ADAMTS17: variants seen among roughly 807,000 people sequenced by gnomAD.
ADAMTS17 encodes ADAM metallopeptidase with thrombospondin type 1 motif 17.
Under a neutral mutation model 141.5 loss-of-function variants are expected in ADAMTS17, and 113 were observed. The ratio of observed to expected loss-of-function variants is 0.80; its 90% CI spans 0.69 to 0.93. The LOEUF is 0.93. Among genes scored for constraint, ADAMTS17 ranks in the 40% least tolerant of loss-of-function variants. The pLI is 0.00. For synonymous variants in ADAMTS17, 768 were observed against 630.6 expected (o/e 1.22, Z -3.27); for missense variants, 1,659 against 1,517.9 (o/e 1.09, Z -1.54).
At chr15:100,248,274 G>A (rs553684927) in intron 7 of ADAMTS17, among the ~76,000 whole-genome samples, 2 of 152,274 alleles carry the variant, frequency 1.3e-5, no homozygotes, top group Non-Finnish European at 2.9e-5. Context: ...GATTTAGGCT[G>A]GCACAAAAAC....
intron 8 of ADAMTS17, among the ~76,000 whole-genome samples, chr15:100,196,562 C>G (rs981500909): frequency 1.3e-5 from 2 of 152,256 alleles, no homozygotes; most frequent in African/African-American, 4.8e-5. Flanking sequence ...ACATACCTTC[C>G]CTCCAGAAAT....
chr15:100,300,270 C>G (rs1004369876), intron 3 of ADAMTS17, among the ~76,000 whole-genome samples: 2 of 152,144 alleles, frequency 1.3e-5, no homozygotes, highest in African/African-American at 4.8e-5. Flanking sequence ...AGTGCTCAAC[C>G]AACCAACCAT....
chr15:100,017,998 C>T lies in ADAMTS17; in HGVS notation c.2592-20409G>A, dbSNP rs969823999. ...TATATTTAAATTATTGTATAGACAC[C>T]AACCCCATCCATCTCTAAAGCTTTT... On this transcript the variant is annotated intron_variant, in intron 18 of 21. Transcript: ENST00000268070. Among the ~76,000 whole-genome samples the T allele has an allele frequency of 3.3e-5, 5 of 152,150 alleles. No individual in the cohort carries two copies. In the South Asian group the frequency reaches 1.0e-3, roughly 32 times the overall value.
chr15:100,108,700 G>A (rs1355368665), intron 14 of ADAMTS17, among the ~76,000 whole-genome samples: 1 of 152,178 alleles, frequency 6.6e-6, no homozygotes. Flanking sequence ...TTAGTACCCT[G>A]CCTACCTTCG....
intron 12 of ADAMTS17, among the ~76,000 whole-genome samples, chr15:100,118,421 GAGA>G (rs2037275948): frequency 6.6e-6 from 1 of 152,212 alleles, no homozygotes; most frequent in Non-Finnish European, 1.5e-5. Context: ...CCTCCCCCAG[GAGA>G]AGAAGAGATC....
intron 12 of ADAMTS17, among the ~76,000 whole-genome samples, chr15:100,120,283 T>C (rs1038508726): frequency 6.6e-6 from 1 of 152,132 alleles, no homozygotes; most frequent in African/African-American, 2.4e-5. Context: ...TTCAGTTAAT[T>C]TTGCTCAATT....
chr15:100,234,042 GA>G (rs1462436101), intron 7 of ADAMTS17, among the ~76,000 whole-genome samples: 1 of 152,182 alleles, frequency 6.6e-6, no homozygotes, highest in South Asian at 2.1e-4. Context: ...TGTCATGTAA[GA>G]AAAAACTGTT....
intron 18 of ADAMTS17, among the ~76,000 whole-genome samples, chr15:100,024,945 G>A (rs1325780067): frequency 6.6e-6 from 1 of 152,202 alleles, no homozygotes; most frequent in Admixed American, 6.5e-5. Flanking sequence ...TATGCCAGAT[G>A]TTGTGTGCTT....
intron 15 of ADAMTS17, among the ~76,000 whole-genome samples, chr15:100,077,771 G>A (rs1326696109): frequency 6.6e-6 from 1 of 152,034 alleles, no homozygotes; most frequent in Non-Finnish European, 1.5e-5. Context: ...AGGGCAACTA[G>A]GCAAGGAAAA....
chr15:100,123,618 C>A (rs956418575), intron 12 of ADAMTS17, among the ~76,000 whole-genome samples: 2 of 152,232 alleles, frequency 1.3e-5, no homozygotes, highest in Non-Finnish European at 2.9e-5. Context: ...GCCGACACGC[C>A]CAGAGGGCTC....
chr15:100,108,091 A>G (rs1325757125), intron 14 of ADAMTS17, among the ~76,000 whole-genome samples: 1 of 151,856 alleles, frequency 6.6e-6, no homozygotes, highest in African/African-American at 2.4e-5. Context: ...CCACCTGGGG[A>G]GGGTAAGGGC....
intron 7 of ADAMTS17, among the ~76,000 whole-genome samples, chr15:100,201,345 C>T (rs2041325574): frequency 6.6e-6 from 1 of 152,220 alleles, no homozygotes. Flanking sequence ...CCCCCTCTCT[C>T]CTGCTGCACT....
intron 15 of ADAMTS17, chr15:100,063,610 A>C (rs892345830): frequency 4.0e-6 from 5 of 1,265,516 alleles, no homozygotes; most frequent in African/African-American, 3.1e-5. Context: ...CACTGAACCA[A>C]TTTACCAGAC....
At chr15:100,188,084 T>C (rs1474994667) in intron 8 of ADAMTS17, among the ~76,000 whole-genome samples, 1 of 151,960 alleles carries the variant, frequency 6.6e-6, no homozygotes, top group Non-Finnish European at 1.5e-5. Context: ...GTCCTCTTTT[T>C]TTTTTGTTTG....
intron 8 of ADAMTS17, among the ~76,000 whole-genome samples, chr15:100,185,172 TGGG>T (rs1297868545): frequency 0.013 from 1,935 of 152,248 alleles, 43 homozygotes; most frequent in African/African-American, 0.043. Context: ...TTACAAGCTC[TGGG>T]ACCATGGCAA....
intron 18 of ADAMTS17, among the ~76,000 whole-genome samples, chr15:100,015,417 G>A (rs887402032): frequency 7.2e-6 from 1 of 138,510 alleles, no homozygotes; most frequent in Non-Finnish European, 1.5e-5. Context: ...GCTTTTTTTT[G>A]TTTTTCTTTT....
At position 99,993,165 on chromosome 15, in the gene ADAMTS17, C is replaced by G. The variant is rs774321730; in HGVS notation, c.2832G>C (p.Arg944=). 5 of 1,614,186 alleles carry G rather than the reference C, an allele frequency of 3.1e-6. No homozygotes were observed. The South Asian group carries it at 5.5e-5, about 18-fold the overall frequency. ...CTTGTGAGTTGGTGCACGCCACGGT[C>G]CGTTTCCACACCCCTTTACCACAGC... ...SASCGKGVWK[R]TVACTNSQGK... is the part of the protein sequence containing the mutation. Residue 944 remains arginine, a synonymous_variant, in exon 20 of 22, where the codon CGG becomes CGC. Coordinates refer to ENST00000268070, the MANE Select transcript of ADAMTS17 (RefSeq NM_139057.4). The surrounding 1 kb of genome is among the most constrained non-coding windows in gnomAD (Gnocchi z 4.3).
chr15:100,018,953 C>T (rs2061346867), intron 18 of ADAMTS17, among the ~76,000 whole-genome samples: 3 of 152,178 alleles, frequency 2.0e-5, no homozygotes, highest in Non-Finnish European at 4.4e-5. Flanking sequence ...TATGTATAAC[C>T]TATGCCTTAT....
At chr15:100,230,441 T>G (rs999952032) in intron 7 of ADAMTS17, among the ~76,000 whole-genome samples, 1 of 152,100 alleles carries the variant, frequency 6.6e-6, no homozygotes, top group African/African-American at 2.4e-5. Flanking sequence ...ACGAGCTAAT[T>G]CCAAACCTCA....
Sources: allele counts gnomAD v4.1 joint callset (sites outside exome capture counted in the v4.1 genomes callset), GRCh38; gene constraint gnomAD v4.1.1; non-coding constraint Gnocchi (gnomAD v3.1); transcripts MANE v1.5; gene names NCBI Gene and HGNC (gene_info 2026-07-23, HGNC 2026-07-21).